ASMTL: variants seen among roughly 807,000 people sequenced by gnomAD.
ASMTL encodes probable bifunctional dTTP/UTP pyrophosphatase/methyltransferase protein.
A neutral mutation model predicts 60.3 loss-of-function variants in ASMTL; 57 were observed. The observed-to-expected ratio is 0.95, with a 90% CI of 0.76 to 1.18. The LOEUF (loss-of-function observed/expected upper bound fraction) is 1.18. Among genes scored for constraint, ASMTL ranks in the 50% most tolerant of loss-of-function variants. The pLI, the probability that ASMTL is intolerant of heterozygous loss-of-function variation, is 0.00. For synonymous variants in ASMTL, 419 were observed against 373.0 expected (o/e 1.12, Z -1.42); for missense variants, 981 against 852.6 (o/e 1.15, Z -1.88).
chrX:1,443,882 T>C (rs1362650967), intron 1 of ASMTL, among the ~76,000 whole-genome samples: 1 of 152,044 alleles, frequency 6.6e-6, no homozygotes, highest in Non-Finnish European at 1.5e-5. Flanking sequence ...ACCGCCGTCG[T>C]GGACAGACAC....
At chrX:1,416,760 C>T (rs2090291780) in intron 11 of ASMTL, among the ~76,000 whole-genome samples, 1 of 99,616 alleles carries the variant, frequency 1.0e-5, no homozygotes, top group East Asian at 3.7e-4. Context: ...CACACACAGA[C>T]ACATGCACAC....
chrX:1,441,957 G>T, intron 2 of ASMTL: 1 of 542,468 alleles, frequency 1.8e-6, no homozygotes, highest in Non-Finnish European at 3.3e-6. Flanking sequence ...AATTGCAAGA[G>T]AATATTATAA....
intron 12 of ASMTL, among the ~76,000 whole-genome samples, chrX:1,406,323 AGATG>A (rs201106505): frequency 3.4e-5 from 5 of 148,606 alleles, no homozygotes; most frequent in South Asian, 2.2e-4. Flanking sequence ...GTAGGTAGGT[AGATG>A]GATGGATGGA....
At chrX:1,413,425 T>G (rs1477388472) in intron 11 of ASMTL, among the ~76,000 whole-genome samples, 1 of 152,198 alleles carries the variant, frequency 6.6e-6, no homozygotes, top group African/African-American at 2.4e-5. Flanking sequence ...CATGGGCGTG[T>G]GCCAGGGAGA....
In ASMTL at chrX:1,427,729, G is replaced by A. The variant is rs1431044240; in HGVS notation, c.897+5C>T. 6.3e-7 allele frequency: 1 copy of A among 1,598,568 alleles called. No individual in the cohort carries two copies. Among genetic ancestry groups the A allele is most frequent in the African/African-American group, 1.3e-5 (1 of 74,686 alleles). ...AATGTGGCCTGAGGAGACAGACACAGGTACCTTGGATAGCATAAAGCCCTC... is the reference window on the plus strand; with the variant it reads ...AATGTGGCCTGAGGAGACAGACACAAGTACCTTGGATAGCATAAAGCCCTC... On this transcript the variant is annotated splice_donor_5th_base_variant and intron_variant, in intron 7 of 12. Coordinates refer to ENST00000381317, the MANE Select transcript of ASMTL (RefSeq NM_004192.4).
intron 5 of ASMTL, 51 bp downstream of exon 5, chrX:1,434,971 G>A (rs750903415): frequency 2.6e-5 from 41 of 1,603,340 alleles, no homozygotes; most frequent in South Asian, 1.8e-4. Flanking sequence ...AGAATGTCCC[G>A]GGTCCTTGTC....
At chrX:1,452,178 T>TG (rs1407564551) in intron 1 of ASMTL, among the ~76,000 whole-genome samples, 14 of 134,128 alleles carry the variant, frequency 1.0e-4, no homozygotes, top group African/African-American at 3.5e-4. Flanking sequence ...ACCCCATTCC[T>TG]GGGGGTCTCG....
chrX:1,436,218 G>A (rs1372989965), intron 3 of ASMTL, among the ~76,000 whole-genome samples: 1 of 152,218 alleles, frequency 6.6e-6, no homozygotes, highest in African/African-American at 2.4e-5. Flanking sequence ...CTGTCGCCCA[G>A]GCTGGAGTGC....
chrX:1,417,079 A>G (rs2090311026), intron 11 of ASMTL, among the ~76,000 whole-genome samples: 1 of 151,074 alleles, frequency 6.6e-6, no homozygotes, highest in Non-Finnish European at 1.5e-5. Flanking sequence ...GACACACACC[A>G]TGCACATAGA....
chrX:1,442,632 T>C (rs2091133162), intron 1 of ASMTL, among the ~76,000 whole-genome samples: 1 of 152,076 alleles, frequency 6.6e-6, no homozygotes, highest in Admixed American at 6.5e-5. Flanking sequence ...CAGGGAGGTA[T>C]TGACTCGGGC....
At chrX:1,413,364 A>G (rs1569531669) in intron 11 of ASMTL, among the ~76,000 whole-genome samples, 3 of 152,154 alleles carry the variant, frequency 2.0e-5, no homozygotes, top group Non-Finnish European at 4.4e-5. Flanking sequence ...GGGAGGAAAA[A>G]AGCAGGGAAT....
chrX:1,411,832 A>G (rs1354361716), intron 12 of ASMTL, among the ~76,000 whole-genome samples: 8 of 34,964 alleles, frequency 2.3e-4, no homozygotes, highest in Non-Finnish European at 1.7e-4. Flanking sequence ...TTTTTTTTTG[A>G]GATGGAGTCT....
intron 11 of ASMTL, 93 bp from the exon 12 acceptor site, chrX:1,412,947 CAG>C (rs1468443857): frequency 2.2e-5 from 31 of 1,402,794 alleles, no homozygotes; most frequent in Non-Finnish European, 2.5e-5. Context: ...CATCCTAAAT[CAG>C]GGACAGAGAA....
At chrX:1,406,874 A>G (rs1295451750) in intron 12 of ASMTL, among the ~76,000 whole-genome samples, 1 of 150,864 alleles carries the variant, frequency 6.6e-6, no homozygotes, top group African/African-American at 2.5e-5. Context: ...GAACAGATGG[A>G]TGGATGGGTG....
intron 11 of ASMTL, among the ~76,000 whole-genome samples, chrX:1,416,692 A>G (rs2090286943): frequency 6.6e-6 from 1 of 151,860 alleles, no homozygotes; most frequent in African/African-American, 2.4e-5. Context: ...AGATGCAGAC[A>G]CAGAGACACA....
At chrX:1,424,710 CCATCCATCCACA>C (rs1237871537) in intron 8 of ASMTL, among the ~76,000 whole-genome samples, 1 of 151,274 alleles carries the variant, frequency 6.6e-6, no homozygotes, top group East Asian at 2.0e-4. Flanking sequence ...AGTCATCCAC[CCATCCATCCACA>C]CATCCTTCCA....
chrX:1,418,979 C>T lies in ASMTL; in HGVS notation c.1378+3G>A. The T allele has an allele frequency of 6.2e-7, 1 of 1,611,848 alleles. No homozygotes were observed. Among genetic ancestry groups the T allele is most frequent in the Non-Finnish European group, 8.5e-7 (1 of 1,179,810 alleles). On this transcript the variant is annotated splice_donor_region_variant and intron_variant, in intron 10 of 12. Transcript: ENST00000381317. ...GGAGAGCCCTGGCGGGGGGGCCACC[C>T]ACCTCCCACGTCGCAGGCGGAGGAG...
chrX:1,419,702 C>T lies in ASMTL; in HGVS notation c.1246-588G>A, dbSNP rs774701158. On this transcript the variant is annotated intron_variant, in intron 9 of 12. Transcript: ENST00000381317. ...CCCGTCCCTGCAGGGCAAGCAAGCC[C>T]AGCTGAGGATGCTTCTGAGCCCCGC... Among the ~76,000 whole-genome samples, 6 of 152,290 alleles carry T rather than the reference C, an allele frequency of 3.9e-5. No homozygotes were observed. In the East Asian group the frequency reaches 7.8e-4, roughly 20 times the overall value.
chrX:1,410,570 C>T (rs746766001), intron 12 of ASMTL, among the ~76,000 whole-genome samples: 40 of 152,156 alleles, frequency 2.6e-4, no homozygotes, highest in Non-Finnish European at 5.6e-4. Context: ...TGCACCACTA[C>T]GCCGGACTAA....
Sources: allele counts gnomAD v4.1 joint callset (sites outside exome capture counted in the v4.1 genomes callset), GRCh38; gene constraint gnomAD v4.1.1; transcripts MANE v1.5; gene names NCBI Gene and HGNC (gene_info 2026-07-23, HGNC 2026-07-21).